EEIG2: variants seen among roughly 807,000 people sequenced by gnomAD.
EEIG2 encodes the protein family with sequence similarity 102 member B.
At chr1:108,598,291 A>C in the EEIG2 span, among the ~76,000 whole-genome samples, 3 of 141,494 alleles carry the variant, frequency 2.1e-5, no homozygotes, top group African/African-American at 7.8e-5. Flanking sequence ...CCAAGATTGC[A>C]CCAGTGCACT....
the EEIG2 span, among the ~76,000 whole-genome samples, chr1:108,608,774 T>C: frequency 6.6e-6 from 1 of 152,252 alleles, no homozygotes; most frequent in Admixed American, 6.5e-5. Context: ...CTATAGCAGA[T>C]TACCATAGAT....
the EEIG2 span, among the ~76,000 whole-genome samples, chr1:108,605,678 CAT>C: frequency 2.0e-5 from 3 of 152,100 alleles, no homozygotes; most frequent in Non-Finnish European, 4.4e-5. Context: ...TGTACAGTGA[CAT>C]ATTTTAAGTT....
the EEIG2 span, among the ~76,000 whole-genome samples, chr1:108,623,272 G>A: frequency 3.3e-5 from 5 of 152,054 alleles, no homozygotes; most frequent in South Asian, 2.1e-4. Context: ...CCAGGAGTTC[G>A]AGACCAGCCT....
the EEIG2 span, chr1:108,600,495 A>C: frequency 6.5e-7 from 1 of 1,540,106 alleles, no homozygotes; most frequent in African/African-American, 1.4e-5. Context: ...ACTTGAGTGA[A>C]AGTATGGGTG....
chr1:108,638,999 C>T, the EEIG2 span: 3 of 152,250 alleles, frequency 2.0e-5, no homozygotes, highest in South Asian at 2.1e-4. Flanking sequence ...TACTGATATG[C>T]GTTGACCAAA....
chr1:108,572,502 CAT>C, the EEIG2 span, among the ~76,000 whole-genome samples: 12 of 152,252 alleles, frequency 7.9e-5, no homozygotes, highest in African/African-American at 2.4e-4. Context: ...TATCTAATAA[CAT>C]GTGTTCACCA....
chr1:108,621,790 C>T, the EEIG2 span, among the ~76,000 whole-genome samples: 1 of 151,270 alleles, frequency 6.6e-6, no homozygotes, highest in Non-Finnish European at 1.5e-5. Context: ...TGTGTTTCTT[C>T]TGTGTATTAG....
At chr1:108,622,530 G>A in the EEIG2 span, among the ~76,000 whole-genome samples, 3 of 152,212 alleles carry the variant, frequency 2.0e-5, no homozygotes, top group African/African-American at 7.2e-5. Context: ...GGTGATATCC[G>A]TAATTCTAGT....
the EEIG2 span, chr1:108,635,719 T>C: frequency 6.6e-6 from 1 of 152,372 alleles, no homozygotes; most frequent in South Asian, 2.1e-4. Context: ...GATGTGCTTA[T>C]TCATAATTCT....
chr1:108,624,447 A>C, the EEIG2 span, among the ~76,000 whole-genome samples: 12 of 25,022 alleles, frequency 4.8e-4, no homozygotes, highest in Admixed American at 5.4e-3. Flanking sequence ...AAAAAAAAAA[A>C]AACCCTTTTC....
chr1:108,560,549 A>AC, the EEIG2 span: 1 of 1,610,210 alleles, frequency 6.2e-7, no homozygotes, highest in Non-Finnish European at 8.5e-7. Context: ...CGGCAGCTTC[A>AC]CCGCCGAGTC....
the EEIG2 span, among the ~76,000 whole-genome samples, chr1:108,597,198 T>G: frequency 6.6e-6 from 1 of 152,206 alleles, no homozygotes; most frequent in Non-Finnish European, 1.5e-5. Flanking sequence ...GCTGTGTCAT[T>G]GGGAACCCTC....
chr1:108,580,082 C>T, the EEIG2 span, among the ~76,000 whole-genome samples: 1 of 152,148 alleles, frequency 6.6e-6, no homozygotes, highest in African/African-American at 2.4e-5. Flanking sequence ...ATTTTTCCAA[C>T]AGTGTGAGCT....
chr1:108,624,295 C>T, the EEIG2 span, among the ~76,000 whole-genome samples: 1 of 152,154 alleles, frequency 6.6e-6, no homozygotes, highest in Non-Finnish European at 1.5e-5. Flanking sequence ...AAGGGCTTGG[C>T]ACTGCCTTCC....
the EEIG2 span, among the ~76,000 whole-genome samples, chr1:108,623,001 A>G: frequency 6.6e-6 from 1 of 152,098 alleles, no homozygotes; most frequent in Non-Finnish European, 1.5e-5. Context: ...TCAGGAGGTC[A>G]AGGTGGAAGG....
At chr1:108,614,024 CTCTTA>C in the EEIG2 span, among the ~76,000 whole-genome samples, 3 of 152,060 alleles carry the variant, frequency 2.0e-5, no homozygotes, top group Non-Finnish European at 4.4e-5. Flanking sequence ...CTACCACTGT[CTCTTA>C]TGTTTCCAGT....
chr1:108,579,777 G>GAGAGAGAGAGAGAGAGAGAGAA, the EEIG2 span, among the ~76,000 whole-genome samples: 1 of 145,922 alleles, frequency 6.9e-6, no homozygotes, highest in Non-Finnish European at 1.5e-5. Context: ...GTGTGTGAGA[G>GAGAGAGAGAGAGAGAGAGAGAA]AGAGAGAGAG....
At chr1:108,630,207 G>C in the EEIG2 span, among the ~76,000 whole-genome samples, 1 of 152,124 alleles carries the variant, frequency 6.6e-6, no homozygotes, top group Admixed American at 6.6e-5. Flanking sequence ...TATCTTTTCC[G>C]AGCAGTTACA....
chr1:108,603,348 C>G, the EEIG2 span, among the ~76,000 whole-genome samples: 1 of 152,150 alleles, frequency 6.6e-6, no homozygotes. Context: ...CTGGGGACAA[C>G]CAAAGAGGAG....
Sources: gnomAD v4.1 joint callset for allele counts (sites outside exome capture counted in the v4.1 genomes callset) on GRCh38, gnomAD v4.1.1 for gene constraint, MANE v1.5 for transcripts, NCBI Gene and HGNC (gene_info 2026-07-23, HGNC 2026-07-21) for gene names.